Variants in XPNPEP3 observed in about 807,000 individuals in gnomAD.
XPNPEP3 encodes the protein X-prolyl aminopeptidase 3.
A neutral mutation model predicts 60.0 loss-of-function variants in XPNPEP3; 41 were observed. The observed-to-expected ratio is 0.68, with a 90% CI of 0.53 to 0.89. The LOEUF is 0.89. XPNPEP3 is among the 40% of genes least tolerant of loss of function. The pLI is 0.00. For missense variants in XPNPEP3, 598 were observed against 638.9 expected (o/e 0.94, Z 0.69); for synonymous variants, 212 against 223.2 (o/e 0.95, Z 0.45).
chr22:40,859,002 C>A (rs2145762217), intron 1 of XPNPEP3, among the ~76,000 whole-genome samples: 1 of 152,294 alleles, frequency 6.6e-6, no homozygotes, highest in East Asian at 1.9e-4. Context: ...CTTGAACTCT[C>A]ACCTCAGCTT....
At chr22:40,863,649 T>C (rs1440510085) in intron 1 of XPNPEP3, among the ~76,000 whole-genome samples, 1 of 152,224 alleles carries the variant, frequency 6.6e-6, no homozygotes, top group Non-Finnish European at 1.5e-5. Context: ...TACCCATGAT[T>C]ATAATTTGCC....
intron 4 of XPNPEP3, among the ~76,000 whole-genome samples, chr22:40,890,378 C>A (rs900579940): frequency 2.7e-5 from 4 of 149,070 alleles, no homozygotes; most frequent in Non-Finnish European, 4.5e-5. Context: ...AGAGACCCCC[C>A]CATCTCTACA....
intron 2 of XPNPEP3, among the ~76,000 whole-genome samples, chr22:40,875,528 T>G (rs918076441): frequency 2.0e-5 from 3 of 152,174 alleles, no homozygotes; most frequent in Non-Finnish European, 1.5e-5. Flanking sequence ...TGTTTTTTAC[T>G]TACATGTCTA....
chr22:40,864,927 C>T (rs76793398), intron 1 of XPNPEP3, among the ~76,000 whole-genome samples: 5,139 of 152,222 alleles, frequency 0.034, 133 homozygotes, highest in Non-Finnish European at 0.052. Flanking sequence ...CTGGTTCAAA[C>T]GCCTCTGACA....
At chr22:40,888,360 T>C in intron 4 of XPNPEP3, 1 of 402,944 alleles carries the variant, frequency 2.5e-6, no homozygotes, top group Admixed American at 2.7e-5. Flanking sequence ...CCTCCCACCT[T>C]AGCCTCCCAA....
chr22:40,914,144 G>GA (rs35631136), intron 6 of XPNPEP3, 95 bp from the exon 7 acceptor site: 181,658 of 800,850 alleles, frequency 0.23, 1,816 homozygotes, highest in Non-Finnish European at 0.26. Context: ...CTCCGTCTCA[G>GA]AAAAAAAAAA....
chr22:40,857,284 C>T (rs772459910), intron 1 of XPNPEP3, 39 bp downstream of exon 1: 3 of 1,610,966 alleles, frequency 1.9e-6, no homozygotes, highest in East Asian at 2.2e-5. Flanking sequence ...CATGGTGTCC[C>T]CTGGAGGGAC....
At chr22:40,924,863 GA>G (rs2058229475) in intron 9 of XPNPEP3, among the ~76,000 whole-genome samples, 1 of 152,010 alleles carries the variant, frequency 6.6e-6, no homozygotes, top group East Asian at 1.9e-4. Context: ...TAAGTTAGAA[GA>G]GACAGGAAAA....
At chr22:40,883,525 A>C (rs1473719346) in intron 3 of XPNPEP3, among the ~76,000 whole-genome samples, 1 of 151,322 alleles carries the variant, frequency 6.6e-6, no homozygotes, top group Non-Finnish European at 1.5e-5. Context: ...TGTCTGGCTA[A>C]TTTTTTTTTA....
At chr22:40,908,319 A>C (rs2058164127) in intron 5 of XPNPEP3, among the ~76,000 whole-genome samples, 1 of 152,162 alleles carries the variant, frequency 6.6e-6, no homozygotes, top group South Asian at 2.1e-4. Context: ...CAGGAGTTTG[A>C]GACCAGCCTG....
chr22:40,914,204 G>A, intron 6 of XPNPEP3, 35 bp from the exon 7 acceptor site: 1 of 1,555,434 alleles, frequency 6.4e-7, no homozygotes, highest in Non-Finnish European at 8.9e-7. Context: ...ATAATCATGA[G>A]CTTATCCACT....
At chr22:40,862,564 G>C in intron 1 of XPNPEP3, 1 of 985,476 alleles carries the variant, frequency 1.0e-6, no homozygotes, top group Non-Finnish European at 1.2e-6. Context: ...TAATAGTTAT[G>C]ATGAGAGGAA....
rs1031815034 is a variant in XPNPEP3, at chr22:40,899,048, C to G, written c.793-8539C>G. Reference sequence around the variant, plus strand: ...AAAATGAGAGATACTGTTCTTTGATCTAAAATTCTCAGGAACCATTTTTAA... The same window carrying G: ...AAAATGAGAGATACTGTTCTTTGATGTAAAATTCTCAGGAACCATTTTTAA... On this transcript the variant is annotated intron_variant, in intron 4 of 9. Coordinates refer to ENST00000357137, the MANE Select transcript of XPNPEP3 (RefSeq NM_022098.4). Among the ~76,000 whole-genome samples the G allele has an allele frequency of 5.3e-5, 8 of 152,152 alleles. No homozygotes were observed. The South Asian group carries it at 1.7e-3, about 31-fold the overall frequency.
chr22:40,871,294 A>G (rs2058004432), intron 2 of XPNPEP3, among the ~76,000 whole-genome samples: 1 of 152,168 alleles, frequency 6.6e-6, no homozygotes, highest in Non-Finnish European at 1.5e-5. Context: ...TCAAGGATGC[A>G]GTGAGCTGTG....
At position 40,930,134 on chromosome 22, in the gene XPNPEP3, T is replaced by G. The variant is rs1436498611; in HGVS notation, c.*3699T>G. 1 of 140,508 alleles carries G rather than the reference T, an allele frequency of 7.1e-6. No individual in the cohort carries two copies. Among genetic ancestry groups the G allele is most frequent in the Non-Finnish European group, 1.6e-5 (1 of 64,442 alleles). 8.7% of individuals were successfully genotyped at this position (140,508 alleles called of 1,614,324 possible). A position where few individuals can be genotyped will look rare whatever the true frequency, so the allele number is the denominator to read the frequency against. On this transcript the variant is annotated 3_prime_UTR_variant, in exon 10 of 10. Transcript: ENST00000357137. ...AAAGGTTTTTTGTGGGGTTTTTTTG[T>G]TTTTTTTTTTTTTGAGATGGAGTCT...
intron 1 of XPNPEP3, among the ~76,000 whole-genome samples, chr22:40,863,851 T>C (rs899177697): frequency 6.6e-6 from 1 of 152,190 alleles, no homozygotes; most frequent in Non-Finnish European, 1.5e-5. Context: ...AAAATCTGAT[T>C]TTTAAACTTG....
At chr22:40,857,296 C>T (rs2057906979) in intron 1 of XPNPEP3, 51 bp downstream of exon 1, 1 of 1,604,640 alleles carries the variant, frequency 6.2e-7, no homozygotes, top group Non-Finnish European at 8.5e-7. Context: ...TGGAGGGACC[C>T]AAGTTGGTCT....
Position 40,926,584 on chromosome 22 carries a change from G to GT in XPNPEP3, c.*150dup. On this transcript the variant is annotated 3_prime_UTR_variant, in exon 10 of 10. Coordinates refer to ENST00000357137, the MANE Select transcript of XPNPEP3 (RefSeq NM_022098.4). ...GCTGTGTGAATGTATGTAATTGTGT[G>GT]TGGGGGGTTTTTTGTTTTAAGTAGT... 2.9e-6 allele frequency: 3 copies of GT among 1,049,052 alleles called. No homozygotes were observed. Among genetic ancestry groups the GT allele is most frequent in the Non-Finnish European group, 4.3e-6 (3 of 690,674 alleles). 65.0% of individuals were successfully genotyped at this position (1,049,052 alleles called of 1,614,324 possible). A position where few individuals can be genotyped will look rare whatever the true frequency, so the allele number is the denominator to read the frequency against.
chr22:40,899,294 A>G lies in XPNPEP3; in HGVS notation c.793-8293A>G, dbSNP rs139429042. 2.5e-4 allele frequency among the ~76,000 whole-genome samples: 38 copies of G among 152,292 alleles called. No homozygotes were observed. The East Asian group carries it at 6.2e-3, about 25-fold the overall frequency. ...GATCAAAAAGAAGCTCATCTAAAAGAGATTCTGAGCTTACTTTCAGCCAGC... is the reference window on the plus strand; with the variant it reads ...GATCAAAAAGAAGCTCATCTAAAAGGGATTCTGAGCTTACTTTCAGCCAGC... On this transcript the variant is annotated intron_variant, in intron 4 of 9. Transcript: ENST00000357137.
Sources: gnomAD v4.1 joint callset for allele counts (sites outside exome capture counted in the v4.1 genomes callset) on GRCh38, gnomAD v4.1.1 for gene constraint, MANE v1.5 for transcripts, NCBI Gene and HGNC (gene_info 2026-07-23, HGNC 2026-07-21) for gene names.